MKLN1: variants seen among roughly 807,000 people sequenced by gnomAD.
The protein encoded by MKLN1 is muskelin 1, also known as muskelin.
Under a neutral mutation model 99.0 loss-of-function variants are expected in MKLN1, and 18 were observed. The observed-to-expected ratio is 0.18, with a 90% CI of 0.13 to 0.27. MKLN1 has a LOEUF of 0.27. MKLN1 is among the 10% of genes least tolerant of loss of function. MKLN1 has a pLI of 1.00. For missense variants in MKLN1, 621 were observed against 875.9 expected, an observed-to-expected ratio of 0.71 and a Z score of 3.67; for synonymous variants, 288 against 293.2, an observed-to-expected ratio of 0.98 and a Z score of 0.18.
chr7:131,271,677 C>T (rs1490193262), intron 3 of MKLN1, among the ~76,000 whole-genome samples: 1 of 151,348 alleles, frequency 6.6e-6, no homozygotes, highest in African/African-American at 2.4e-5. Flanking sequence ...AATCCCAGCA[C>T]TTTGGGAGGC....
At chr7:131,444,894 C>T (rs1196759644) in intron 11 of MKLN1, among the ~76,000 whole-genome samples, 1 of 151,700 alleles carries the variant, frequency 6.6e-6, no homozygotes, top group Non-Finnish European at 1.5e-5. Flanking sequence ...GCAATCCTCT[C>T]ACCTTGGCCT....
chr7:131,409,235 C>G (rs998639122), intron 6 of MKLN1, among the ~76,000 whole-genome samples: 2 of 152,120 alleles, frequency 1.3e-5, no homozygotes, highest in African/African-American at 4.8e-5. Flanking sequence ...AATTATATAT[C>G]TAAAGCAAGC....
At chr7:131,483,936 AAATG>A (rs1160145774) in intron 17 of MKLN1, among the ~76,000 whole-genome samples, 1 of 152,274 alleles carries the variant, frequency 6.6e-6, no homozygotes, top group Non-Finnish European at 1.5e-5. Flanking sequence ...TGGAATCTGT[AAATG>A]ATCAAGATCA....
At chr7:131,279,223 A>C (rs956585781) in intron 3 of MKLN1, among the ~76,000 whole-genome samples, 5 of 152,248 alleles carry the variant, frequency 3.3e-5, no homozygotes, top group African/African-American at 1.2e-4. Flanking sequence ...TAAAGCTATG[A>C]GAAAACTAAA....
At chr7:131,207,545 T>C (rs760433501) in intron 3 of MKLN1, among the ~76,000 whole-genome samples, 28 of 152,184 alleles carry the variant, frequency 1.8e-4, no homozygotes, top group Non-Finnish European at 3.8e-4. Flanking sequence ...CAAACAGGCA[T>C]TTTGGAGCAT....
At chr7:131,324,762 G>T (rs968514191), upstream of MKLN1, among the ~76,000 whole-genome samples, 9 of 152,192 alleles carry the variant, frequency 5.9e-5, no homozygotes, top group African/African-American at 1.9e-4. Context: ...GTTCAAAAGT[G>T]GGGGAGAAGG....
intron 1 of MKLN1, among the ~76,000 whole-genome samples, chr7:131,127,761 G>C (rs1307468732): frequency 6.6e-6 from 1 of 152,182 alleles, no homozygotes; most frequent in Non-Finnish European, 1.5e-5. Context: ...AAGCCCTGGT[G>C]CTCCAGGTTC....
In MKLN1 at chr7:131,265,081, C is replaced by A. The variant is rs1173960804; in HGVS notation, c.-179+62107C>A. Among the ~76,000 whole-genome samples the A allele has an allele frequency of 3.3e-5, 5 of 152,172 alleles. No homozygotes were observed. In the East Asian group the frequency reaches 9.6e-4, roughly 29 times the overall value. ...CCTTGAACTCCTGACCTCAGGTAAT[C>A]CACCTGCTTCAGCCTCCCAAAGTGC... On this transcript the variant is annotated intron_variant, in intron 3 of 7. Transcript: ENST00000416992.
upstream of MKLN1, chr7:131,327,624 T>A (rs1190699752): frequency 2.4e-6 from 1 of 421,766 alleles, no homozygotes; most frequent in East Asian, 3.9e-5. Context: ...CCTCTGCTTG[T>A]AAGAAAAGTC....
At chr7:131,389,901 CA>C (rs995153689) in intron 4 of MKLN1, among the ~76,000 whole-genome samples, 6 of 145,098 alleles carry the variant, frequency 4.1e-5, no homozygotes, top group Non-Finnish European at 4.6e-5. Context: ...AAAAAAAAAC[CA>C]AAAAAAAAAT....
intron 1 of MKLN1, among the ~76,000 whole-genome samples, chr7:131,118,528 G>A (rs1383905746): frequency 6.9e-6 from 1 of 145,674 alleles, no homozygotes; most frequent in African/African-American, 2.6e-5. Flanking sequence ...ACTCCAGCCT[G>A]AGCAACAAGA....
chr7:131,282,349 CAAAAAA>C (rs1001483569), intron 3 of MKLN1, among the ~76,000 whole-genome samples: 1 of 65,680 alleles, frequency 1.5e-5, no homozygotes, highest in African/African-American at 4.9e-5. Context: ...AACTCCGTCT[CAAAAAA>C]AAAAAAAAAA....
intron 3 of MKLN1, among the ~76,000 whole-genome samples, chr7:131,228,585 T>G (rs1797192921): frequency 6.6e-6 from 1 of 152,230 alleles, no homozygotes; most frequent in Non-Finnish European, 1.5e-5. Flanking sequence ...TCTTCATCTA[T>G]AAAATGAAGA....
Position 131,419,301 on chromosome 7 carries a change from A to C in MKLN1, c.847+4591A>C, listed in dbSNP as rs553193521. Among the ~76,000 whole-genome samples the C allele has an allele frequency of 2.9e-3, 374 of 130,796 alleles. 3 individuals carry two copies. Among genetic ancestry groups the C allele is most frequent in the African/African-American group, 0.011 (364 of 34,318 alleles). The allele number at this position is 130,796 out of a possible 152,430, so 85.8% of individuals were successfully genotyped here. A position where few individuals can be genotyped will look rare whatever the true frequency, so the allele number is the denominator to read the frequency against. The stretch of plus-strand genomic sequence containing the variant: ...AGTCTCGCTCTGTTGCCCAGGCTGG[A>C]GTGCAGTGGCATGATCTCGGCTCAC... On this transcript the variant is annotated intron_variant, in intron 8 of 17. Transcript: ENST00000352689.
intron 1 of MKLN1, among the ~76,000 whole-genome samples, chr7:131,111,203 A>AAAAGCACATGCTGTTGCT (rs1795192425): frequency 1.3e-5 from 2 of 152,230 alleles, no homozygotes; most frequent in Non-Finnish European, 2.9e-5. Flanking sequence ...TGACTGTCTC[A>AAAAGCACATGCTGTTGCT]AAAGCACATG....
intron 16 of MKLN1, among the ~76,000 whole-genome samples, chr7:131,474,853 C>T (rs1309627369): frequency 1.3e-5 from 2 of 152,160 alleles, no homozygotes; most frequent in Non-Finnish European, 2.9e-5. Flanking sequence ...GGCCCACAGG[C>T]TTAACAGGAA....
chr7:131,412,910 T>C (rs983018171), intron 7 of MKLN1, among the ~76,000 whole-genome samples: 6 of 152,230 alleles, frequency 3.9e-5, no homozygotes, highest in African/African-American at 1.4e-4. Context: ...ACCTCCATAA[T>C]TGATGTTACA....
At chr7:131,430,509 G>A (rs1236919415) in intron 9 of MKLN1, among the ~76,000 whole-genome samples, 2 of 151,646 alleles carry the variant, frequency 1.3e-5, no homozygotes, top group East Asian at 1.9e-4. Flanking sequence ...AATCTAAGGC[G>A]ATGACATCTG....
intron 1 of MKLN1, among the ~76,000 whole-genome samples, chr7:131,368,557 G>A (rs1482739257): frequency 1.3e-5 from 2 of 152,180 alleles, no homozygotes; most frequent in African/African-American, 4.8e-5. Context: ...AGGAGAGAAA[G>A]AGAATGAGTG....
Sources: allele counts gnomAD v4.1 joint callset (sites outside exome capture counted in the v4.1 genomes callset), GRCh38; gene constraint gnomAD v4.1.1; transcripts MANE v1.5; gene names NCBI Gene and HGNC (gene_info 2026-07-23, HGNC 2026-07-21).